The following EPB41L4A variants were observed in gnomAD, a reference collection of about 807,000 sequenced individuals.
EPB41L4A encodes the protein erythrocyte membrane protein band 4.1 like 4A.
A neutral mutation model predicts 108.6 loss-of-function variants in EPB41L4A; 100 were observed. The observed-to-expected ratio is 0.92, with a 90% CI of 0.78 to 1.09. EPB41L4A has a LOEUF of 1.09. Ranked by LOEUF, EPB41L4A falls within the 50% of genes least tolerant of loss-of-function variation. EPB41L4A has a pLI of 0.00. For synonymous variants in EPB41L4A, 319 were observed against 289.0 expected, an observed-to-expected ratio of 1.10 and a Z score of -1.05; for missense variants, 1,030 against 842.7, an observed-to-expected ratio of 1.22 and a Z score of -2.75.
chr5:112,359,241 C>A (rs1424642422), intron 1 of EPB41L4A, among the ~76,000 whole-genome samples: 1 of 152,142 alleles, frequency 6.6e-6, no homozygotes, highest in Non-Finnish European at 1.5e-5. Flanking sequence ...AGAAGAGAAT[C>A]CAGGGGTGTG....
intron 1 of EPB41L4A, among the ~76,000 whole-genome samples, chr5:112,381,512 T>G (rs988432352): frequency 2.6e-5 from 4 of 152,234 alleles, no homozygotes; most frequent in Non-Finnish European, 4.4e-5. Flanking sequence ...AACAGGTTCT[T>G]GATTGCAAGC....
intron 18 of EPB41L4A, among the ~76,000 whole-genome samples, chr5:112,181,324 G>A (rs896392211): frequency 7.2e-5 from 11 of 152,214 alleles, no homozygotes; most frequent in Non-Finnish European, 1.5e-4. Context: ...GGTGGCGGGC[G>A]CCTCTTGTCC....
intron 1 of EPB41L4A, among the ~76,000 whole-genome samples, chr5:112,394,629 T>A (rs1352335496): frequency 6.6e-6 from 1 of 152,092 alleles, no homozygotes; most frequent in Non-Finnish European, 1.5e-5. Flanking sequence ...TGCTCATGGA[T>A]AGGAAGAATC....
At chr5:112,232,336 A>AT (rs1358039359) in intron 12 of EPB41L4A, among the ~76,000 whole-genome samples, 9 of 152,288 alleles carry the variant, frequency 5.9e-5, no homozygotes, top group African/African-American at 1.9e-4. Flanking sequence ...TCAGTAACCA[A>AT]TGCCCAGTAA....
At chr5:112,300,718 G>C (rs923828922) in intron 2 of EPB41L4A, among the ~76,000 whole-genome samples, 10 of 152,130 alleles carry the variant, frequency 6.6e-5, no homozygotes, top group Non-Finnish European at 1.5e-4. Context: ...AGCTGTACTA[G>C]ATTATTCCCC....
chr5:112,148,433 T>G (rs1349584340), intron 12 of EPB41L4A, among the ~76,000 whole-genome samples: 1 of 151,810 alleles, frequency 6.6e-6, no homozygotes, highest in Non-Finnish European at 1.5e-5. Context: ...GGAATTTTCT[T>G]TAATTATTAC....
intron 13 of EPB41L4A, chr5:112,205,917 C>T (rs1199715215): frequency 1.8e-5 from 3 of 169,074 alleles, no homozygotes; most frequent in Admixed American, 6.0e-5. Flanking sequence ...ACTCCAGGCA[C>T]GGGTCTGAAT....
intron 2 of EPB41L4A, among the ~76,000 whole-genome samples, chr5:112,298,627 G>A (rs1189147716): frequency 6.6e-6 from 1 of 151,956 alleles, no homozygotes; most frequent in African/African-American, 2.4e-5. Flanking sequence ...GTTCATCAGG[G>A]GTATTGGTCT....
intron 5 of EPB41L4A, among the ~76,000 whole-genome samples, chr5:112,265,698 G>T (rs1303159167): frequency 6.6e-6 from 1 of 152,218 alleles, no homozygotes; most frequent in Non-Finnish European, 1.5e-5. Context: ...CTTAGAAGGT[G>T]TCTAATCGTC....
chr5:112,242,984 C>A (rs1469943291), intron 9 of EPB41L4A, among the ~76,000 whole-genome samples: 1 of 152,098 alleles, frequency 6.6e-6, no homozygotes, highest in Non-Finnish European at 1.5e-5. Flanking sequence ...GGAGCTGAGG[C>A]AGGCGGATCA....
chr5:112,236,385 T>C (rs537519954), intron 11 of EPB41L4A, among the ~76,000 whole-genome samples: 9 of 152,328 alleles, frequency 5.9e-5, no homozygotes, highest in African/African-American at 2.2e-4. Flanking sequence ...TTGCAAGCCC[T>C]GTTTAAAGCA....
At chr5:112,286,339 C>T (rs34640353) in intron 2 of EPB41L4A, among the ~76,000 whole-genome samples, 25,943 of 152,112 alleles carry the variant, frequency 0.17, 2,405 homozygotes, top group East Asian at 0.35. Flanking sequence ...ACTGGAGGCT[C>T]ACATTGCACA....
chr5:112,334,510 C>A (rs568887718), intron 1 of EPB41L4A, among the ~76,000 whole-genome samples: 1 of 152,150 alleles, frequency 6.6e-6, no homozygotes, highest in South Asian at 2.1e-4. Flanking sequence ...AACCCCTTAT[C>A]TTAACCCAGA....
chr5:112,267,789 AAAC>A (rs1398997315), intron 4 of EPB41L4A, among the ~76,000 whole-genome samples: 4 of 152,130 alleles, frequency 2.6e-5, no homozygotes, highest in South Asian at 4.1e-4. Context: ...GTTAAAAAAA[AAAC>A]AACAACAACC....
intron 1 of EPB41L4A, among the ~76,000 whole-genome samples, chr5:112,362,679 C>A (rs558065796): frequency 2.1e-4 from 32 of 152,170 alleles, no homozygotes; most frequent in Non-Finnish European, 4.0e-4. Flanking sequence ...CAAAATTAAA[C>A]CTTGAGGAAC....
intron 9 of EPB41L4A, among the ~76,000 whole-genome samples, chr5:112,247,255 G>A (rs78670516): frequency 1.3e-5 from 2 of 152,204 alleles, no homozygotes; most frequent in East Asian, 3.9e-4. Flanking sequence ...CTACTGTTAA[G>A]GGGTGGGTGT....
chr5:112,285,994 G>A (rs1476178021), intron 2 of EPB41L4A, among the ~76,000 whole-genome samples: 5 of 151,624 alleles, frequency 3.3e-5, no homozygotes, highest in Admixed American at 1.3e-4. Flanking sequence ...TCTTACACTC[G>A]GGCCAAGCTA....
At chr5:112,153,173 C>A (rs1048489131) in intron 12 of EPB41L4A, among the ~76,000 whole-genome samples, 1 of 148,684 alleles carries the variant, frequency 6.7e-6, no homozygotes, top group African/African-American at 2.5e-5. Flanking sequence ...GAGCCGAGAT[C>A]AAACCATTGC....
intron 18 of EPB41L4A, among the ~76,000 whole-genome samples, chr5:112,177,124 C>G (rs1379924807): frequency 6.6e-6 from 1 of 152,130 alleles, no homozygotes; most frequent in Admixed American, 6.6e-5. Flanking sequence ...TTTAACTGCA[C>G]TTTGGCCGTA....
Sources: allele counts gnomAD v4.1 joint callset (sites outside exome capture counted in the v4.1 genomes callset), GRCh38; gene constraint gnomAD v4.1.1; transcripts MANE v1.5; gene names NCBI Gene and HGNC (gene_info 2026-07-23, HGNC 2026-07-21).